MEGF11: variants seen among roughly 807,000 people sequenced by gnomAD.
The protein encoded by MEGF11 is multiple epidermal growth factor-like domains protein 11.
MEGF11 carries 126 observed loss-of-function variants against 146.6 expected under a neutral mutation model. That is an observed-to-expected ratio of 0.86 (90% CI 0.74 to 1.00). The LOEUF (loss-of-function observed/expected upper bound fraction) is 1.00. Ranked by LOEUF, MEGF11 falls within the 50% of genes least tolerant of loss-of-function variation. The pLI, the probability that MEGF11 is intolerant of heterozygous loss-of-function variation, is 0.00. For synonymous variants in MEGF11, 532 were observed against 583.4 expected (o/e 0.91, Z 1.27); for missense variants, 1,509 against 1,521.2 (o/e 0.99, Z 0.13).
chr15:66,207,675 T>C (rs2091335222), intron 1 of MEGF11, among the ~76,000 whole-genome samples: 3 of 152,266 alleles, frequency 2.0e-5, no homozygotes. Flanking sequence ...CCTATTTTTG[T>C]TGTAACTTTT....
intron 5 of MEGF11, among the ~76,000 whole-genome samples, chr15:65,989,714 G>A (rs1464146755): frequency 3.9e-5 from 6 of 152,238 alleles, no homozygotes; most frequent in Non-Finnish European, 7.3e-5. Context: ...ATGGGTCAGA[G>A]CCAATGCTGG....
At chr15:66,245,102 G>A (rs1913413) in intron 1 of MEGF11, among the ~76,000 whole-genome samples, 6,053 of 152,208 alleles carry the variant, frequency 0.04, 399 homozygotes, top group African/African-American at 0.14. Flanking sequence ...GGTCACCTGA[G>A]GATGCAGGAC....
At position 66,153,896 on chromosome 15, in the gene MEGF11, G is replaced by A. The variant is rs535500140; in HGVS notation, c.-8-25485C>T. ...CGGGCTCGTGCATATTAAGCACCTGGGCAACAGTGGGCCCTCCCCAAATGC... is the reference window on the plus strand; with the variant it reads ...CGGGCTCGTGCATATTAAGCACCTGAGCAACAGTGGGCCCTCCCCAAATGC... On this transcript the variant is annotated intron_variant, in intron 1 of 25. Coordinates refer to ENST00000395614, the MANE Select transcript of MEGF11 (RefSeq NM_001385028.1). Among the ~76,000 whole-genome samples, 143 of 152,246 alleles carry A rather than the reference G, an allele frequency of 9.4e-4. 1 individual carries two copies. Among genetic ancestry groups the A allele is most frequent in the African/African-American group, 3.2e-3 (135 of 41,540 alleles).
chr15:66,216,377 C>T (rs1275974745), intron 1 of MEGF11, among the ~76,000 whole-genome samples: 1 of 152,168 alleles, frequency 6.6e-6, no homozygotes, highest in African/African-American at 2.4e-5. Flanking sequence ...GACATTGAGG[C>T]ACAGAACCGC....
intron 10 of MEGF11, among the ~76,000 whole-genome samples, chr15:65,950,495 CTGAGCCCAGAGAGGTCAAGGCTGCACAG>C (rs2080360378): frequency 6.6e-6 from 1 of 151,908 alleles, no homozygotes; most frequent in Non-Finnish European, 1.5e-5. Context: ...GGAGGATCGC[CTGAGCCCAGAGAGGTCAAGGCTGCACAG>C]TGAGCCAAGA....
chr15:66,152,900 G>A (rs996013754), intron 1 of MEGF11, among the ~76,000 whole-genome samples: 69 of 152,282 alleles, frequency 4.5e-4, no homozygotes, highest in African/African-American at 1.6e-3. Flanking sequence ...CCTCCCCGCC[G>A]AAGCCACCGC....
chr15:66,081,919 G>A (rs2085873381), intron 5 of MEGF11, among the ~76,000 whole-genome samples: 1 of 152,162 alleles, frequency 6.6e-6, no homozygotes, highest in Admixed American at 6.5e-5. Flanking sequence ...AGAGGGCACT[G>A]ATCTAAAGAA....
In MEGF11 at chr15:65,982,311, C is replaced by T. The variant is rs767138916; in HGVS notation, c.572G>A (p.Cys191Tyr). The T allele has an allele frequency of 9.8e-6, 15 of 1,537,614 alleles. No homozygotes were observed. In the South Asian group the frequency reaches 1.7e-4, roughly 17 times the overall value. ...GGGGTCGCAGCTGGCACCGTGTCGG[C>T]ACTGGCACGGCAGCTGGCATCCCTT... ...HGKGCQLPCQ[C>Y]RHGASCDPRA... Residue 191 changes from cysteine (C) to tyrosine (Y), a missense_variant, in exon 6 of 26, where the codon TGC becomes TAC. Physicochemically the swap from Cys to Tyr is radical, Grantham distance 194. Coordinates refer to ENST00000395614, the MANE Select transcript of MEGF11 (RefSeq NM_001385028.1). This position sits in a 1 kb window ranked among gnomAD's most constrained non-coding sequence, Gnocchi z 5.6.
At chr15:66,000,958 G>A (rs1433394079) in intron 5 of MEGF11, among the ~76,000 whole-genome samples, 2 of 152,152 alleles carry the variant, frequency 1.3e-5, no homozygotes, top group East Asian at 3.8e-4. Flanking sequence ...GGTGGAGCTT[G>A]GGAGAACAGC....
At chr15:65,934,600 G>C (rs576215485) in intron 10 of MEGF11, among the ~76,000 whole-genome samples, 1 of 152,294 alleles carries the variant, frequency 6.6e-6, no homozygotes, top group East Asian at 1.9e-4. Context: ...CTTCAGGATG[G>C]GGGCTGGTCA....
intron 10 of MEGF11, among the ~76,000 whole-genome samples, chr15:65,951,745 C>T (rs1419111019): frequency 6.6e-6 from 1 of 151,966 alleles, no homozygotes; most frequent in African/African-American, 2.4e-5. Context: ...TTGTACAATA[C>T]AAGAAGATAT....
chr15:66,140,255 C>T (rs1011215997), intron 1 of MEGF11, among the ~76,000 whole-genome samples: 2 of 152,186 alleles, frequency 1.3e-5, no homozygotes, highest in African/African-American at 4.8e-5. Context: ...CTCCACTTCC[C>T]TGGGCAGGAA....
chr15:66,128,609 G>C (rs2088498745), intron 1 of MEGF11, among the ~76,000 whole-genome samples, 198 bp from the exon 2 acceptor site: 1 of 152,132 alleles, frequency 6.6e-6, no homozygotes, highest in African/African-American at 2.4e-5. Flanking sequence ...TCTAGGCCAG[G>C]GGTTCTGAAT....
chr15:66,197,847 C>T (rs1460871236), intron 1 of MEGF11, among the ~76,000 whole-genome samples: 2 of 152,196 alleles, frequency 1.3e-5, no homozygotes, highest in East Asian at 1.9e-4. Context: ...ACCTCTTTAA[C>T]GAATTCTCCT....
chr15:66,022,170 C>T (rs1232720644), intron 5 of MEGF11, among the ~76,000 whole-genome samples: 1 of 152,236 alleles, frequency 6.6e-6, no homozygotes, highest in African/African-American at 2.4e-5. Flanking sequence ...AGGGCTCCTT[C>T]CTGCAGACAG....
intron 5 of MEGF11, among the ~76,000 whole-genome samples, chr15:66,031,004 T>TACCCAA (rs1408228228): frequency 1.3e-5 from 2 of 152,166 alleles, no homozygotes; most frequent in Non-Finnish European, 2.9e-5. Context: ...GCCCATTCTG[T>TACCCAA]ACCCAAACCC....
At chr15:66,051,905 T>G (rs1242356852) in intron 5 of MEGF11, among the ~76,000 whole-genome samples, 1 of 152,222 alleles carries the variant, frequency 6.6e-6, no homozygotes, top group Non-Finnish European at 1.5e-5. Context: ...ATAATAGATT[T>G]ATAAGAACAG....
rs561476272 is a variant in MEGF11, at chr15:65,982,284, C to T, written c.599G>A (p.Arg200His). Residue 200 changes from arginine to histidine, a missense_variant, in exon 6 of 26, where the codon CGC becomes CAC. Transcript: ENST00000395614. The surrounding 1 kb of genome is among the most constrained non-coding windows in gnomAD (Gnocchi z 5.6). ...AGGTGCGCAGAGGCACTCGCCGGCG[C>T]GGGGGTCGCAGCTGGCACCGTGTCG... Reference protein sequence around the residue: ...QCRHGASCDPRAGECLCAPGY... With the variant: ...QCRHGASCDPHAGECLCAPGY... 1.3e-6 allele frequency: 2 copies of T among 1,540,490 alleles called. No individual in the cohort carries two copies. Among genetic ancestry groups the T allele is most frequent in the East Asian group, 4.9e-5 (2 of 40,822 alleles).
Position 65,913,791 on chromosome 15 carries a change from G to A in MEGF11, c.2656C>T (p.Arg886Cys), listed in dbSNP as rs757871149. The A allele has an allele frequency of 6.8e-6, 11 of 1,613,584 alleles. No individual in the cohort carries two copies. Among genetic ancestry groups the A allele is most frequent in the Middle Eastern group, 1.6e-4 (1 of 6,084 alleles). ...QKEKGRDLAP[R>C]VSYTPAMRMT... ...CTCATGGCAGGTGTGTAGGAGACACGGGGAGCCAGGTCTCGGCCCTTCTCT... is the reference window on the plus strand; with the variant it reads ...CTCATGGCAGGTGTGTAGGAGACACAGGGAGCCAGGTCTCGGCCCTTCTCT... The change falls in exon 20 of 26, where the codon CGT becomes TGT. Residue 886 changes from arginine to cysteine, a missense_variant. Coordinates refer to ENST00000395614, the MANE Select transcript of MEGF11 (RefSeq NM_001385028.1).
Sources: allele counts gnomAD v4.1 joint callset (sites outside exome capture counted in the v4.1 genomes callset), GRCh38; gene constraint gnomAD v4.1.1; non-coding constraint Gnocchi (gnomAD v3.1); transcripts MANE v1.5; gene names NCBI Gene and HGNC (gene_info 2026-07-23, HGNC 2026-07-21).